TTC39A: variants seen among roughly 807,000 people sequenced by gnomAD.
TTC39A encodes tetratricopeptide repeat domain 39A, also known as tetratricopeptide repeat protein 39A.
TTC39A carries 46 observed loss-of-function variants against 82.3 expected under a neutral mutation model. The observed-to-expected ratio is 0.56, with a 90% confidence interval of 0.44 to 0.71. The LOEUF is 0.71. Among genes scored for constraint, TTC39A ranks in the 30% least tolerant of loss-of-function variants. The pLI is 0.00. For missense variants in TTC39A, 543 were observed against 712.9 expected (o/e 0.76, Z 2.71); for synonymous variants, 254 against 275.2 (o/e 0.92, Z 0.76).
upstream of TTC39A, among the ~76,000 whole-genome samples, chr1:51,333,762 G>C (rs1347560691): frequency 1.3e-5 from 2 of 152,190 alleles, no homozygotes; most frequent in African/African-American, 4.8e-5. Flanking sequence ...GTATGTGACT[G>C]TCTGCTTCTG....
chr1:51,314,776 G>A (rs771928120), intron 2 of TTC39A, among the ~76,000 whole-genome samples: 11 of 152,184 alleles, frequency 7.2e-5, no homozygotes, highest in Non-Finnish European at 1.3e-4. Flanking sequence ...TACCAGCTGT[G>A]TGACCTGGCA....
intron 1 of TTC39A, among the ~76,000 whole-genome samples, chr1:51,341,459 A>G (rs1251184758): frequency 1.3e-5 from 2 of 152,198 alleles, no homozygotes; most frequent in Non-Finnish European, 2.9e-5. Context: ...GTGTGCTGGC[A>G]GAACTGAAGT....
rs1474914431 is a variant in TTC39A at position 51,290,389 on chromosome 1, A to C, written c.1378+125T>G. 11 of 879,842 alleles carry C rather than the reference A, an allele frequency of 1.3e-5. No homozygotes were observed. The East Asian group carries it at 2.9e-4, about 23-fold the overall frequency. 54.5% of individuals were successfully genotyped at this position (879,842 alleles called of 1,614,324 possible). On this transcript the variant is annotated intron_variant, in intron 15 of 17. Coordinates refer to ENST00000680483, the MANE Select transcript of TTC39A (RefSeq NM_001297663.2). ...AAGGAACAGCTGCTTGGAGGAGCTC[A>C]GTCTAGAGAGATAAAGGAGAGTTGC...
chr1:51,319,766 C>T (rs531973700), intron 2 of TTC39A, among the ~76,000 whole-genome samples: 1 of 151,554 alleles, frequency 6.6e-6, no homozygotes, highest in East Asian at 1.9e-4. Flanking sequence ...TCTCTGCTCA[C>T]TGCAACCTCC....
chr1:51,296,045 G>A, intron 13 of TTC39A, 34 bp downstream of exon 13: 2 of 1,551,370 alleles, frequency 1.3e-6, no homozygotes, highest in African/African-American at 2.7e-5. Context: ...CGGTGGGAGT[G>A]GCCTACACAG....
chr1:51,308,806 C>T (rs1437087561), intron 6 of TTC39A, among the ~76,000 whole-genome samples: 1 of 151,832 alleles, frequency 6.6e-6, no homozygotes, highest in Non-Finnish European at 1.5e-5. Flanking sequence ...TGTGTGTGTG[C>T]GTGCATGTGT....
intron 14 of TTC39A, among the ~76,000 whole-genome samples, chr1:51,293,226 C>G (rs1299339194): frequency 6.6e-6 from 1 of 152,174 alleles, no homozygotes; most frequent in Non-Finnish European, 1.5e-5. Context: ...CGCCACCACG[C>G]CCGGCTAATT....
chr1:51,327,772 C>G (rs1645766834), intron 1 of TTC39A, among the ~76,000 whole-genome samples: 1 of 151,032 alleles, frequency 6.6e-6, no homozygotes. Context: ...CCTGGGTTCA[C>G]TGCAACCTCC....
intron 1 of TTC39A, chr1:51,344,844 G>A (rs560353812): frequency 1.4e-5 from 14 of 1,019,370 alleles, no homozygotes; most frequent in Non-Finnish European, 1.9e-5. Flanking sequence ...TGCCCCTCTC[G>A]GGCCTCCGGC....
intron 4 of TTC39A, 122 bp from the exon 5 acceptor site, chr1:51,311,443 C>T: frequency 2.5e-6 from 2 of 812,268 alleles, no homozygotes; most frequent in East Asian, 2.7e-5. Flanking sequence ...CTCTCCTGTC[C>T]CCTACCTCGT....
intron 2 of TTC39A, among the ~76,000 whole-genome samples, chr1:51,316,406 C>T (rs1645286860): frequency 6.6e-6 from 1 of 152,196 alleles, no homozygotes; most frequent in African/African-American, 2.4e-5. Context: ...AGCCTGTCCC[C>T]TCTTCCTGAC....
chr1:51,299,326 G>A (rs1644562854), intron 12 of TTC39A: 1 of 152,260 alleles, frequency 6.6e-6, no homozygotes, highest in Non-Finnish European at 1.5e-5. Context: ...TCCCCCATCT[G>A]CTGACAGGCA....
At chr1:51,291,679 G>C (rs2148112102) in intron 14 of TTC39A, among the ~76,000 whole-genome samples, 1 of 144,854 alleles carries the variant, frequency 6.9e-6, no homozygotes, top group African/African-American at 2.6e-5. Flanking sequence ...GGTGGTGCAA[G>C]CCTGGGGTCC....
Position 51,330,269 on chromosome 1 carries a change from C to G in TTC39A, c.41+168G>C. 1 of 963,286 alleles carries G rather than the reference C, an allele frequency of 1.0e-6. No homozygotes were observed. The highest frequency in any genetic ancestry group is 1.2e-6 in the Non-Finnish European group (1 of 809,912). 59.7% of individuals were successfully genotyped at this position (963,286 alleles called of 1,614,324 possible). On this transcript the variant is annotated intron_variant, in intron 1 of 17. Coordinates refer to ENST00000680483, the MANE Select transcript of TTC39A (RefSeq NM_001297663.2). The surrounding 1 kb of genome is among the most constrained non-coding windows in gnomAD (Gnocchi z 4.5). ...CCGCCTCCTCACAGCCCCCTGCCCC[C>G]ACTCCTGGCAGCGGCGGCGGCTGCC... is the stretch of plus-strand genomic sequence containing the variant.
chr1:51,342,068 C>A (rs1646044284), intron 1 of TTC39A, among the ~76,000 whole-genome samples: 1 of 152,212 alleles, frequency 6.6e-6, no homozygotes. Flanking sequence ...GCAATCTGCC[C>A]ATCTGCACAT....
Position 51,287,604 on chromosome 1 carries a change from G to A in TTC39A, c.*553C>T, listed in dbSNP as rs1206210745. Reference sequence around the variant, plus strand: ...AAGTGTGAGTAGTAAGGTAGTGGGTGTCTGTGTACATCCTCATGCCCAACC... The same window carrying A: ...AAGTGTGAGTAGTAAGGTAGTGGGTATCTGTGTACATCCTCATGCCCAACC... On this transcript the variant is annotated 3_prime_UTR_variant, in exon 18 of 18. Coordinates refer to ENST00000680483, the MANE Select transcript of TTC39A (RefSeq NM_001297663.2). The A allele has an allele frequency of 1.3e-5, 2 of 152,964 alleles. No homozygotes were observed. Among genetic ancestry groups the A allele is most frequent in the Non-Finnish European group, 2.9e-5 (2 of 68,426 alleles). 9.5% of individuals were successfully genotyped at this position (152,964 alleles called of 1,614,324 possible).
At chr1:51,301,760 C>T (rs41287292) in intron 11 of TTC39A, 27 bp from the exon 12 acceptor site, 37,912 of 1,591,296 alleles carry the variant, frequency 0.024, 706 homozygotes, top group East Asian at 0.079. Flanking sequence ...GTCAGCCTGA[C>T]GGGTGCCCAC....
chr1:51,301,744 CT>C lies in TTC39A; in HGVS notation c.892-12del, dbSNP rs1644665924. 1.3e-6 allele frequency: 2 copies of C among 1,598,962 alleles called. No homozygotes were observed. The highest frequency in any genetic ancestry group is 2.7e-5 in the African/African-American group (2 of 74,874). On this transcript the variant is annotated splice_polypyrimidine_tract_variant and intron_variant, in intron 11 of 17. Transcript: ENST00000680483. Reference sequence around the variant, plus strand: ...GAAACGCCGGATGGCCTGCAGGCACCTTCTGGTCAGCCTGACGGGTGCCCAC... The same window carrying C: ...GAAACGCCGGATGGCCTGCAGGCACCTCTGGTCAGCCTGACGGGTGCCCAC...
At position 51,340,761 on chromosome 1, in the gene TTC39A, A is replaced by G. The variant is rs149433644; in HGVS notation, c.53+4230T>C. On this transcript the variant is annotated intron_variant, in intron 1 of 5. Transcript: ENST00000401051. Reference sequence around the variant, plus strand: ...ACTAACTCATCCGATCCTCACAACAATCCTGGGAGGTGAGTCCTAACATTA... The same window carrying G: ...ACTAACTCATCCGATCCTCACAACAGTCCTGGGAGGTGAGTCCTAACATTA... Among the ~76,000 whole-genome samples the G allele has an allele frequency of 6.6e-4, 100 of 152,274 alleles. 2 individuals carry two copies. In the East Asian group the frequency reaches 0.017, roughly 26 times the overall value.
Sources: gnomAD v4.1 joint callset for allele counts (sites outside exome capture counted in the v4.1 genomes callset) on GRCh38, gnomAD v4.1.1 for gene constraint, Gnocchi (gnomAD v3.1) non-coding constraint, MANE v1.5 for transcripts, NCBI Gene and HGNC (gene_info 2026-07-23, HGNC 2026-07-21) for gene names.